The following COLQ variants were observed in gnomAD, a reference collection of about 807,000 sequenced individuals.
The protein encoded by COLQ is acetylcholinesterase collagenic tail peptide.
Under a neutral mutation model 69.0 loss-of-function variants are expected in COLQ, and 48 were observed. The ratio of observed to expected loss-of-function variants is 0.70; its 90% CI spans 0.55 to 0.88. The LOEUF is 0.88. Among genes scored for constraint, COLQ ranks in the 40% least tolerant of loss-of-function variants. The pLI is 0.00. For missense variants in COLQ, 618 were observed against 594.6 expected (o/e 1.04, Z -0.41); for synonymous variants, 217 against 211.2 (o/e 1.03, Z -0.24).
intron 1 of COLQ, chr3:15,498,474 C>CACACAA (rs1476801911): frequency 6.5e-7 from 1 of 1,539,426 alleles, no homozygotes; most frequent in South Asian, 1.2e-5. Flanking sequence ...TGCATCCACA[C>CACACAA]ACACACACAC....
rs779409635 is a variant in COLQ at position 15,521,539 on chromosome 3, G to A, written c.87C>T (p.Ser29=). The change falls in exon 1 of 17, where the codon AGC becomes AGT. Residue 29 remains serine, a synonymous_variant. Transcript: ENST00000383788. ...SIVSQPTFIN[S]VLPISAALPS... Reference sequence around the variant, plus strand: ...ATTTACCTGCTGAGATTGGAAGAACGCTGTTGATGAAAGTCGGCTGAGACA... The same window carrying A: ...ATTTACCTGCTGAGATTGGAAGAACACTGTTGATGAAAGTCGGCTGAGACA... The A allele has an allele frequency of 1.9e-6, 3 of 1,614,166 alleles. No homozygotes were observed. The highest frequency in any genetic ancestry group is 1.1e-5 in the South Asian group (1 of 91,090).
At chr3:15,467,937 T>C (rs372346853) in intron 11 of COLQ, 12 of 456,624 alleles carry the variant, frequency 2.6e-5, no homozygotes, top group African/African-American at 2.2e-4. Flanking sequence ...GAGGTCAGAG[T>C]TTATTTCTGA....
At chr3:15,482,571 T>C (rs1216539940) in intron 3 of COLQ, among the ~76,000 whole-genome samples, 3 of 152,218 alleles carry the variant, frequency 2.0e-5, no homozygotes, top group Admixed American at 2.0e-4. Context: ...CACTTGATCA[T>C]GGTGGATAAG....
intron 16 of COLQ, among the ~76,000 whole-genome samples, chr3:15,452,883 A>G (rs1447826898): frequency 2.0e-5 from 3 of 152,230 alleles, no homozygotes; most frequent in Non-Finnish European, 4.4e-5. Flanking sequence ...CAATGGAGAG[A>G]CAGGCATGGC....
rs1484007314 is a variant in COLQ, at chr3:15,450,453, C to T, written c.*1191G>A. On this transcript the variant is annotated 3_prime_UTR_variant, in exon 17 of 17. Coordinates refer to ENST00000383788, the MANE Select transcript of COLQ (RefSeq NM_005677.4). ...GCTGGTAAAAATTGGGCAATTTCTA[C>T]TTGAGGTCTGCTGTGGGGGTGGACC... 6.5e-6 allele frequency: 1 copy of T among 153,782 alleles called. No individual in the cohort carries two copies. Among genetic ancestry groups the T allele is most frequent in the African/African-American group, 2.4e-5 (1 of 41,448 alleles). The allele number at this position is 153,782 out of a possible 1,614,324, so 9.5% of individuals were successfully genotyped here.
intron 12 of COLQ, among the ~76,000 whole-genome samples, chr3:15,460,177 G>A (rs1256419606): frequency 1.3e-5 from 2 of 152,212 alleles, no homozygotes; most frequent in Non-Finnish European, 2.9e-5. Flanking sequence ...CCAGTAGAAT[G>A]TCGCTCCACA....
At chr3:15,489,664 A>T in intron 1 of COLQ, 27 bp from the exon 2 acceptor site, 1 of 1,606,164 alleles carries the variant, frequency 6.2e-7, no homozygotes, top group East Asian at 2.2e-5. Flanking sequence ...GCCGCTCGTT[A>T]GCATGTGGTC....
At chr3:15,460,802 C>T (rs1016869287) in intron 12 of COLQ, among the ~76,000 whole-genome samples, 4 of 152,122 alleles carry the variant, frequency 2.6e-5, no homozygotes, top group Non-Finnish European at 5.9e-5. Flanking sequence ...AGGGAATCCA[C>T]CAGGCTAGGA....
intron 3 of COLQ, among the ~76,000 whole-genome samples, chr3:15,484,402 G>C (rs2062540621): frequency 6.6e-6 from 1 of 152,154 alleles, no homozygotes; most frequent in Admixed American, 6.5e-5. Context: ...TGAAAGGCAG[G>C]CTCTTCTTGA....
At chr3:15,472,423 T>G (rs958029209) in intron 10 of COLQ, among the ~76,000 whole-genome samples, 13 of 152,222 alleles carry the variant, frequency 8.5e-5, no homozygotes, top group African/African-American at 3.1e-4. Flanking sequence ...ATTTAAACAC[T>G]TTCCACTGAC....
chr3:15,497,131 C>T (rs2062757768), intron 1 of COLQ, among the ~76,000 whole-genome samples: 1 of 151,102 alleles, frequency 6.6e-6, no homozygotes, highest in African/African-American at 2.4e-5. Context: ...GCAACCTCCG[C>T]CTCCAGGGTT....
chr3:15,487,946 T>A (rs754827972), intron 3 of COLQ, among the ~76,000 whole-genome samples: 1 of 152,218 alleles, frequency 6.6e-6, no homozygotes, highest in Admixed American at 6.5e-5. Flanking sequence ...GGCATCCTCA[T>A]TTGATTCCCC....
At chr3:15,469,415 T>C (rs2062247438) in intron 11 of COLQ, among the ~76,000 whole-genome samples, 2 of 152,216 alleles carry the variant, frequency 1.3e-5, no homozygotes, top group African/African-American at 4.8e-5. Context: ...ATTTTTCCTT[T>C]TTTATCTGAG....
intron 1 of COLQ, among the ~76,000 whole-genome samples, chr3:15,504,210 T>C (rs2062871519): frequency 6.6e-6 from 1 of 152,196 alleles, no homozygotes; most frequent in Non-Finnish European, 1.5e-5. Flanking sequence ...AGCAAAATGA[T>C]AGCCAGTGCA....
At chr3:15,498,203 C>T (rs1001313097) in intron 1 of COLQ, among the ~76,000 whole-genome samples, 2 of 152,110 alleles carry the variant, frequency 1.3e-5, no homozygotes, top group East Asian at 1.9e-4. Flanking sequence ...GCACAAGGTA[C>T]TTGTGTCAGT....
chr3:15,478,802 G>A (rs970763571), intron 5 of COLQ, 175 bp downstream of exon 5: 4 of 769,220 alleles, frequency 5.2e-6, no homozygotes, highest in Admixed American at 2.1e-5. Context: ...GAACAAAGAA[G>A]TTGACAGAAA....
chr3:15,506,955 C>A (rs1017331509), intron 1 of COLQ: 1 of 152,174 alleles, frequency 6.6e-6, no homozygotes, highest in Non-Finnish European at 1.5e-5. Context: ...AAAATGCATG[C>A]ACATTGTTTT....
chr3:15,491,856 G>A (rs1457562550), intron 1 of COLQ, among the ~76,000 whole-genome samples: 2 of 151,956 alleles, frequency 1.3e-5, no homozygotes, highest in East Asian at 1.9e-4. Flanking sequence ...TCAAGAGATC[G>A]AGACCATCCT....
At chr3:15,480,516 C>CT (rs1334131132) in intron 3 of COLQ, among the ~76,000 whole-genome samples, 10 of 152,102 alleles carry the variant, frequency 6.6e-5, no homozygotes, top group Non-Finnish European at 1.5e-4. Flanking sequence ...TAAACTCATC[C>CT]TTTTTTATGG....
Sources: gnomAD v4.1 joint callset for allele counts (sites outside exome capture counted in the v4.1 genomes callset) on GRCh38, gnomAD v4.1.1 for gene constraint, MANE v1.5 for transcripts, NCBI Gene and HGNC (gene_info 2026-07-23, HGNC 2026-07-21) for gene names.